The following SLC24A2 variants were observed in gnomAD, a reference collection of about 807,000 sequenced individuals.
SLC24A2 encodes solute carrier family 24 member 2.
Under a neutral mutation model 62.0 loss-of-function variants are expected in SLC24A2, and 36 were observed. The ratio of observed to expected loss-of-function variants is 0.58; its 90% CI spans 0.44 to 0.77. SLC24A2 has a LOEUF of 0.77. Among genes scored for constraint, SLC24A2 ranks in the 30% least tolerant of loss-of-function variants. The pLI is 0.00. For missense variants in SLC24A2, 846 were observed against 817.9 expected, an observed-to-expected ratio of 1.03 and a Z score of -0.42; for synonymous variants, 358 against 294.0, an observed-to-expected ratio of 1.22 and a Z score of -2.23.
the SLC24A2 span, among the ~76,000 whole-genome samples, chr9:20,014,318 G>A: frequency 6.6e-6 from 1 of 151,962 alleles, no homozygotes; most frequent in Non-Finnish European, 1.5e-5. Flanking sequence ...AAGCAGTGTA[G>A]ACAGTCCTCA....
At chr9:20,016,073 A>T in the SLC24A2 span, among the ~76,000 whole-genome samples, 3 of 152,238 alleles carry the variant, frequency 2.0e-5, no homozygotes, top group Non-Finnish European at 2.9e-5. Context: ...TATACCACAG[A>T]TTGGAAAATA....
the SLC24A2 span, among the ~76,000 whole-genome samples, chr9:19,892,304 C>T: frequency 1.3e-5 from 2 of 152,192 alleles, no homozygotes; most frequent in East Asian, 3.8e-4. Flanking sequence ...GTTCCTATCA[C>T]ATCCTATTTT....
chr9:19,736,123 T>C (rs536915534), intron 2 of SLC24A2, among the ~76,000 whole-genome samples: 8 of 152,310 alleles, frequency 5.3e-5, no homozygotes, highest in African/African-American at 1.9e-4. Flanking sequence ...AAAGTACTCA[T>C]TTATATTGGG....
chr9:20,124,242 T>C, the SLC24A2 span, among the ~76,000 whole-genome samples: 5 of 151,982 alleles, frequency 3.3e-5, no homozygotes, highest in African/African-American at 4.8e-5. Flanking sequence ...GGATATGGTG[T>C]TTGATTATAG....
At chr9:20,007,877 C>G in the SLC24A2 span, among the ~76,000 whole-genome samples, 1 of 79,506 alleles carries the variant, frequency 1.3e-5, no homozygotes, top group Non-Finnish European at 2.4e-5. Context: ...TCTTACTCCT[C>G]TCTTTTTTTT....
At chr9:19,557,246 A>AT (rs1439775607) in intron 7 of SLC24A2, among the ~76,000 whole-genome samples, 3 of 152,230 alleles carry the variant, frequency 2.0e-5, no homozygotes, top group African/African-American at 7.2e-5. Context: ...TTTGTAATAA[A>AT]TTAAACCCAT....
At chr9:20,005,619 G>A in the SLC24A2 span, among the ~76,000 whole-genome samples, 1 of 151,900 alleles carries the variant, frequency 6.6e-6, no homozygotes, top group African/African-American at 2.4e-5. Flanking sequence ...CAAAGGGAAG[G>A]TTCTAAAGGA....
At chr9:20,180,595 T>G in the SLC24A2 span, among the ~76,000 whole-genome samples, 1 of 152,190 alleles carries the variant, frequency 6.6e-6, no homozygotes, top group African/African-American at 2.4e-5. Flanking sequence ...ATGGAGATTA[T>G]TGGCATGGCT....
the SLC24A2 span, among the ~76,000 whole-genome samples, chr9:19,974,971 G>A: frequency 2.6e-5 from 4 of 152,148 alleles, no homozygotes; most frequent in Admixed American, 2.6e-4. Context: ...TGGGAGGAAG[G>A]CTCCTTTTTA....
At chr9:20,188,878 T>C in the SLC24A2 span, among the ~76,000 whole-genome samples, 1 of 152,048 alleles carries the variant, frequency 6.6e-6, no homozygotes, top group African/African-American at 2.4e-5. Flanking sequence ...ACAGGAAAAA[T>C]GTGTGCTGTT....
At chr9:20,249,632 G>T in the SLC24A2 span, among the ~76,000 whole-genome samples, 1 of 149,716 alleles carries the variant, frequency 6.7e-6, no homozygotes, top group African/African-American at 2.5e-5. Flanking sequence ...TTGAACCCAG[G>T]AGGCAGAGGC....
intron 7 of SLC24A2, among the ~76,000 whole-genome samples, chr9:19,562,409 C>T (rs1835448325): frequency 1.3e-5 from 2 of 152,076 alleles, no homozygotes; most frequent in African/African-American, 4.8e-5. Context: ...CAAACTCCTT[C>T]AGAAAGCCCA....
chr9:19,528,842 T>G (rs1268607016), intron 8 of SLC24A2, among the ~76,000 whole-genome samples: 1 of 152,186 alleles, frequency 6.6e-6, no homozygotes, highest in Non-Finnish European at 1.5e-5. Context: ...AAGAATGTTT[T>G]CTCTCCTGTT....
At chr9:19,949,514 A>G in the SLC24A2 span, among the ~76,000 whole-genome samples, 1 of 152,184 alleles carries the variant, frequency 6.6e-6, no homozygotes, top group Non-Finnish European at 1.5e-5. Flanking sequence ...TGCCTCACCA[A>G]TCTATATTCT....
chr9:20,224,398 T>C, the SLC24A2 span, among the ~76,000 whole-genome samples: 1 of 151,584 alleles, frequency 6.6e-6, no homozygotes, highest in East Asian at 1.9e-4. Context: ...TAATAACACA[T>C]CCAATCATAA....
At chr9:20,189,043 T>G in the SLC24A2 span, among the ~76,000 whole-genome samples, 7 of 151,780 alleles carry the variant, frequency 4.6e-5, no homozygotes, top group Non-Finnish European at 7.4e-5. Context: ...AGTTCTAGAC[T>G]GCCAGAAATT....
At chr9:20,281,670 T>C in the SLC24A2 span, among the ~76,000 whole-genome samples, 3 of 152,244 alleles carry the variant, frequency 2.0e-5, no homozygotes, top group Non-Finnish European at 4.4e-5. Flanking sequence ...AGCATCATTG[T>C]TGTATAGTAT....
At chr9:20,198,677 C>G in the SLC24A2 span, among the ~76,000 whole-genome samples, 1 of 151,986 alleles carries the variant, frequency 6.6e-6, no homozygotes, top group Non-Finnish European at 1.5e-5. Flanking sequence ...CTCACTCTCT[C>G]TCTCTCTCCA....
At chr9:19,768,588 C>A (rs745520301) in intron 2 of SLC24A2, among the ~76,000 whole-genome samples, 1 of 152,090 alleles carries the variant, frequency 6.6e-6, no homozygotes, top group African/African-American at 2.4e-5. Context: ...GCATCTACAG[C>A]GTGGATACCC....
Sources: gnomAD v4.1 joint callset for allele counts (sites outside exome capture counted in the v4.1 genomes callset) on GRCh38, gnomAD v4.1.1 for gene constraint, MANE v1.5 for transcripts, NCBI Gene and HGNC (gene_info 2026-07-23, HGNC 2026-07-21) for gene names.